CHD9: variants seen among roughly 807,000 people sequenced by gnomAD.
The protein encoded by CHD9 is ATP-dependent chromatin remodeler CHD9.
In CHD9, 77 loss-of-function variants were observed where a neutral mutation model predicts 316.1. The observed-to-expected ratio is 0.24, with a 90% CI of 0.20 to 0.29. CHD9 has a LOEUF of 0.29. CHD9 is among the 10% of genes least tolerant of loss of function. CHD9 has a pLI of 1.00. For synonymous variants in CHD9, 1,129 were observed against 1,158.3 expected (o/e 0.97, Z 0.51); for missense variants, 2,763 against 3,438.1 (o/e 0.80, Z 4.91).
At chr16:53,203,686 A>G (rs2045636479) in intron 2 of CHD9, among the ~76,000 whole-genome samples, 2 of 152,072 alleles carry the variant, frequency 1.3e-5, no homozygotes, top group Non-Finnish European at 2.9e-5. Flanking sequence ...TATTTTTACT[A>G]AGGAATTATA....
chr16:53,143,357 A>T (rs955303766), intron 1 of CHD9, among the ~76,000 whole-genome samples: 1 of 119,530 alleles, frequency 8.4e-6, no homozygotes, highest in Admixed American at 9.0e-5. Flanking sequence ...ATTTTATCTT[A>T]TTTTATTTAT....
intron 2 of CHD9, among the ~76,000 whole-genome samples, chr16:53,204,039 AAAAAAAAAAAT>A (rs1399265887): frequency 8.4e-5 from 9 of 107,088 alleles, no homozygotes; most frequent in Admixed American, 7.5e-4. Context: ...AAAAAAAAAA[AAAAAAAAAAAT>A]ATATATATAC....
chr16:53,272,282 A>C (rs2052349817), intron 22 of CHD9, among the ~76,000 whole-genome samples: 1 of 151,998 alleles, frequency 6.6e-6, no homozygotes, highest in Non-Finnish European at 1.5e-5. Context: ...AAAAAGAATA[A>C]TCCATAGAAG....
At chr16:53,119,046 C>A (rs1049517177) in intron 1 of CHD9, among the ~76,000 whole-genome samples, 1 of 152,054 alleles carries the variant, frequency 6.6e-6, no homozygotes, top group Non-Finnish European at 1.5e-5. Flanking sequence ...CCTGCCTTAG[C>A]CTCCCAAAGT....
At chr16:53,295,918 AAG>A (rs1278081762) in intron 29 of CHD9, among the ~76,000 whole-genome samples, 1 of 152,192 alleles carries the variant, frequency 6.6e-6, no homozygotes, top group Admixed American at 6.5e-5. Context: ...TTTCAAGTGA[AAG>A]AGATTACTTT....
At chr16:53,163,456 T>G (rs1597231331) in intron 2 of CHD9, among the ~76,000 whole-genome samples, 1 of 152,172 alleles carries the variant, frequency 6.6e-6, no homozygotes, top group Non-Finnish European at 1.5e-5. Flanking sequence ...GTGATCTGCC[T>G]GCCTCGGCCT....
At chr16:53,177,106 C>T (rs2043149032) in intron 2 of CHD9, among the ~76,000 whole-genome samples, 1 of 152,178 alleles carries the variant, frequency 6.6e-6, no homozygotes, top group South Asian at 2.1e-4. Flanking sequence ...CAGGCACATG[C>T]CACCATGCCT....
chr16:53,103,716 G>T (rs1190861209), intron 1 of CHD9, among the ~76,000 whole-genome samples: 1 of 152,128 alleles, frequency 6.6e-6, no homozygotes, highest in African/African-American at 2.4e-5. Flanking sequence ...AAACTTCAAA[G>T]TTATCCTCAA....
intron 20 of CHD9, among the ~76,000 whole-genome samples, chr16:53,265,105 AT>A (rs1436559096): frequency 6.6e-6 from 1 of 152,206 alleles, no homozygotes; most frequent in Non-Finnish European, 1.5e-5. Flanking sequence ...AAGTGTCTAA[AT>A]ATATTAATAC....
At chr16:53,196,252 C>T (rs570624527) in intron 2 of CHD9, among the ~76,000 whole-genome samples, 49 of 152,154 alleles carry the variant, frequency 3.2e-4, no homozygotes, top group African/African-American at 1.2e-3. Context: ...TTCATGAAAC[C>T]ACCACCAAAG....
At chr16:53,139,935 A>G (rs1319191346) in intron 1 of CHD9, among the ~76,000 whole-genome samples, 1 of 147,956 alleles carries the variant, frequency 6.8e-6, no homozygotes. Flanking sequence ...CTGGCTCTAC[A>G]AAAAAATACA....
At chr16:53,243,178 GA>G (rs1172755013) in intron 13 of CHD9, among the ~76,000 whole-genome samples, 162 bp downstream of exon 13, 4 of 151,782 alleles carry the variant, frequency 2.6e-5, no homozygotes, top group South Asian at 2.1e-4. Flanking sequence ...TAATTTGTAA[GA>G]AAAAAAATTC....
In CHD9 at chr16:53,156,299, G is replaced by A; in HGVS notation, c.210G>A (p.Gln70=). Residue 70 remains glutamine, a synonymous_variant, in exon 2 of 39, where the codon CAG becomes CAA. Transcript: ENST00000447540. Reference sequence around the variant, plus strand: ...ATCAGAAGATGACTGATTTTGAACAGTTAAATCAATTTGATTCAATAAAAT... The same window carrying A: ...ATCAGAAGATGACTGATTTTGAACAATTAAATCAATTTGATTCAATAAAAT... ...PTHQKMTDFE[Q]LNQFDSIKFH... is the part of the protein sequence containing the mutation. 6.2e-7 allele frequency: 1 copy of A among 1,613,946 alleles called. No homozygotes were observed. Among genetic ancestry groups the A allele is most frequent in the Non-Finnish European group, 8.5e-7 (1 of 1,179,836 alleles).
chr16:53,064,130 G>A lies in CHD9; in HGVS notation c.-165+9053G>A, dbSNP rs146256414. On this transcript the variant is annotated intron_variant, in intron 1 of 38. Coordinates refer to ENST00000447540, the MANE Select transcript of CHD9 (RefSeq NM_001308319.2). ...ATTACAGGCATGAGCCACCATATAT[G>A]GCCTGGTTGGCATATTTTCTTTAGA... Among the ~76,000 whole-genome samples the A allele has an allele frequency of 1.1e-4, 16 of 152,152 alleles. No individual in the cohort carries two copies. In the East Asian group the frequency reaches 3.1e-3, roughly 29 times the overall value.
chr16:53,122,463 G>A (rs911177167), intron 1 of CHD9, among the ~76,000 whole-genome samples: 1 of 151,688 alleles, frequency 6.6e-6, no homozygotes, highest in Admixed American at 6.6e-5. Flanking sequence ...TTGTCTCAAC[G>A]TGTTCATATG....
At chr16:53,117,833 T>C (rs916891289) in intron 1 of CHD9, among the ~76,000 whole-genome samples, 1 of 149,618 alleles carries the variant, frequency 6.7e-6, no homozygotes, top group Non-Finnish European at 1.5e-5. Context: ...ATATTTCTCT[T>C]TTTTTTTTTT....
intron 34 of CHD9, among the ~76,000 whole-genome samples, chr16:53,313,140 G>T (rs189904097): frequency 4.6e-5 from 7 of 151,922 alleles, no homozygotes; most frequent in African/African-American, 9.7e-5. Flanking sequence ...TGAAATGAAA[G>T]AAGTCAGTCT....
Position 53,324,324 on chromosome 16 carries a change from C to G in CHD9, c.8123C>G (p.Ala2708Gly). ...LPSGGEAKNMAAMFPMLLSGM... is the reference protein window; with the variant it reads ...LPSGGEAKNMGAMFPMLLSGM... ...TCTGGAGGAGAAGCTAAAAACATGG[C>G]TGCTATGTTCCCCATGCTGCTGTCA... is the stretch of plus-strand genomic sequence containing the variant. The change falls in exon 39 of 39, where the codon GCT becomes GGT. Residue 2708 changes from alanine to glycine, a missense_variant. Ala to Gly is a moderately conservative substitution (Grantham distance 60). Coordinates refer to ENST00000447540, the MANE Select transcript of CHD9 (RefSeq NM_001308319.2). 6.2e-7 allele frequency: 1 copy of G among 1,613,952 alleles called. No homozygotes were observed. The highest frequency in any genetic ancestry group is 1.1e-5 in the South Asian group (1 of 91,090).
At chr16:53,248,708 G>T (rs2049884060) in intron 16 of CHD9, among the ~76,000 whole-genome samples, 1 of 151,722 alleles carries the variant, frequency 6.6e-6, no homozygotes, top group Non-Finnish European at 1.5e-5. Context: ...TTTGGGTAGA[G>T]ACAGGGTCTC....
Sources: allele counts gnomAD v4.1 joint callset (sites outside exome capture counted in the v4.1 genomes callset), GRCh38; gene constraint gnomAD v4.1.1; transcripts MANE v1.5; gene names NCBI Gene and HGNC (gene_info 2026-07-23, HGNC 2026-07-21).